Variants in TAS2R1 observed in about 807,000 individuals in gnomAD.
TAS2R1 encodes taste 2 receptor member 1, also known as taste receptor type 2 member 1.
For synonymous variants in TAS2R1, 141 were observed against 134.2 expected (o/e 1.05, Z -0.35); for missense variants, 370 against 353.4 (o/e 1.05, Z -0.38).
the TAS2R1 span, among the ~76,000 whole-genome samples, chr5:9,890,222 T>G: frequency 2.0e-5 from 3 of 152,096 alleles, no homozygotes; most frequent in African/African-American, 7.2e-5. Flanking sequence ...ACCAGAACCT[T>G]TGTGTTCTCT....
chr5:9,749,439 T>C, the TAS2R1 span, among the ~76,000 whole-genome samples: 25 of 152,332 alleles, frequency 1.6e-4, no homozygotes, highest in Middle Eastern at 3.4e-3. Context: ...TTTGAATTAT[T>C]GATCATGTAC....
chr5:9,851,403 C>T, the TAS2R1 span, among the ~76,000 whole-genome samples: 1 of 152,112 alleles, frequency 6.6e-6, no homozygotes. Context: ...ATAATACCAC[C>T]TATAACTCTA....
At chr5:9,646,608 G>A (rs1200969292) in intron 2 of TAS2R1, among the ~76,000 whole-genome samples, 3 of 152,046 alleles carry the variant, frequency 2.0e-5, no homozygotes, top group Admixed American at 1.3e-4. Context: ...AAATTACCTC[G>A]CAAGGATAGA....
chr5:9,877,092 C>T, the TAS2R1 span, among the ~76,000 whole-genome samples: 2 of 152,212 alleles, frequency 1.3e-5, no homozygotes, highest in Non-Finnish European at 2.9e-5. Flanking sequence ...TTTGCAAATG[C>T]TTCTGATTCG....
the TAS2R1 span, among the ~76,000 whole-genome samples, chr5:9,824,927 T>C: frequency 2.6e-5 from 4 of 151,472 alleles, no homozygotes; most frequent in South Asian, 2.1e-4. Context: ...CCTGGAGTTA[T>C]GCAAACATGG....
intron 1 of TAS2R1, among the ~76,000 whole-genome samples, chr5:9,675,434 T>C (rs1740856239): frequency 6.6e-6 from 1 of 150,966 alleles, no homozygotes; most frequent in African/African-American, 2.4e-5. Context: ...TTTTTTTTTT[T>C]TGAGATGGAG....
chr5:9,886,719 G>A, the TAS2R1 span, among the ~76,000 whole-genome samples: 63 of 152,096 alleles, frequency 4.1e-4, no homozygotes, highest in South Asian at 4.8e-3. Context: ...ATTTCAATGC[G>A]TAATCAGAAA....
chr5:9,812,416 C>A, the TAS2R1 span, among the ~76,000 whole-genome samples: 2 of 151,760 alleles, frequency 1.3e-5, no homozygotes, highest in African/African-American at 4.8e-5. Flanking sequence ...CATAGAGGAC[C>A]AATGAATGGA....
chr5:9,642,109 C>T (rs2126481692), intron 2 of TAS2R1, among the ~76,000 whole-genome samples: 1 of 152,302 alleles, frequency 6.6e-6, no homozygotes, highest in East Asian at 1.9e-4. Context: ...TTTAGCTCCT[C>T]AAAAGAAAGT....
In TAS2R1 at chr5:9,629,697, G is replaced by A; in HGVS notation, c.336C>T (p.His112=). 6.2e-7 allele frequency: 1 copy of A among 1,614,146 alleles called. No homozygotes were observed. Among genetic ancestry groups the A allele is most frequent in the Non-Finnish European group, 8.5e-7 (1 of 1,180,036 alleles). ...FYCAKVASVR[H]PLFIWLKMRI... Reference sequence around the variant, plus strand: ...TCATCTTCAACCAGATGAAGAGTGGGTGACGGACGCTGGCAACCTTGGCAC... The same window carrying A: ...TCATCTTCAACCAGATGAAGAGTGGATGACGGACGCTGGCAACCTTGGCAC... The change falls in exon 1 of 1, where the codon CAC becomes CAT. Residue 112 remains histidine (H), a synonymous_variant. Coordinates refer to ENST00000382492, the MANE Select transcript of TAS2R1 (RefSeq NM_019599.3).
the TAS2R1 span, among the ~76,000 whole-genome samples, chr5:9,844,302 A>C: frequency 6.6e-6 from 1 of 152,262 alleles, no homozygotes; most frequent in East Asian, 1.9e-4. Context: ...ATGACTTATA[A>C]ATTCCTGAAT....
chr5:9,780,849 G>C, the TAS2R1 span, among the ~76,000 whole-genome samples: 1 of 152,146 alleles, frequency 6.6e-6, no homozygotes, highest in Non-Finnish European at 1.5e-5. Context: ...TGAGGAATAG[G>C]CCTCATGCAA....
At chr5:9,633,294 T>TATATATATATATATATATATATATATATA (rs1476544403), upstream of TAS2R1, among the ~76,000 whole-genome samples, 23 of 67,740 alleles carry the variant, frequency 3.4e-4, no homozygotes, top group East Asian at 4.5e-3. Flanking sequence ...TGTGTGTATA[T>TATATATATATATATATATATATATATATA]TATATATATA....
At chr5:9,768,330 T>C in the TAS2R1 span, among the ~76,000 whole-genome samples, 1 of 152,178 alleles carries the variant, frequency 6.6e-6, no homozygotes, top group South Asian at 2.1e-4. Context: ...ACAAAATCCC[T>C]CATTTCCTTC....
intron 2 of TAS2R1, among the ~76,000 whole-genome samples, chr5:9,636,941 G>A (rs1739974919): frequency 6.6e-6 from 1 of 151,584 alleles, no homozygotes; most frequent in Non-Finnish European, 1.5e-5. Context: ...ATTGAGATGT[G>A]AGGTACTTTC....
At chr5:9,688,168 A>T (rs41494) in intron 1 of TAS2R1, among the ~76,000 whole-genome samples, 143,811 of 152,276 alleles carry the variant, frequency 0.94, 68,514 homozygotes, top group Non-Finnish European at 1. Context: ...GTAAATAGGA[A>T]CCATAGAACC....
At chr5:9,721,892 A>C in the TAS2R1 span, among the ~76,000 whole-genome samples, 1 of 152,250 alleles carries the variant, frequency 6.6e-6, no homozygotes, top group East Asian at 1.9e-4. Context: ...AATAAGCAAT[A>C]GTAATAGTCA....
At chr5:9,773,917 G>A in the TAS2R1 span, among the ~76,000 whole-genome samples, 1 of 152,128 alleles carries the variant, frequency 6.6e-6, no homozygotes, top group Non-Finnish European at 1.5e-5. Context: ...AAATCTGCTT[G>A]ATGTTCTATA....
At chr5:9,670,379 ACC>A in intron 1 of TAS2R1, among the ~76,000 whole-genome samples, 1 of 152,232 alleles carries the variant, frequency 6.6e-6, no homozygotes, top group Non-Finnish European at 1.5e-5. Context: ...CTGAGTTTTG[ACC>A]AATCAAAGAG....
Sources: gnomAD v4.1 joint callset for allele counts (sites outside exome capture counted in the v4.1 genomes callset) on GRCh38, gnomAD v4.1.1 for gene constraint, MANE v1.5 for transcripts, NCBI Gene and HGNC (gene_info 2026-07-23, HGNC 2026-07-21) for gene names.